CHRM3: variants seen among roughly 807,000 people sequenced by gnomAD.
CHRM3 encodes cholinergic receptor muscarinic 3.
CHRM3 carries 11 observed loss-of-function variants against 41.8 expected under a neutral mutation model. That is an observed-to-expected ratio of 0.26 (90% CI 0.17 to 0.44). CHRM3 has a LOEUF of 0.44. CHRM3 is among the 20% of genes least tolerant of loss of function. The pLI, the probability that CHRM3 is intolerant of heterozygous loss-of-function variation, is 1.00. For missense variants in CHRM3, 571 were observed against 745.4 expected (o/e 0.77, Z 2.72); for synonymous variants, 297 against 301.4 (o/e 0.99, Z 0.15).
At chr1:239,859,591 T>C (rs998214494) in intron 6 of CHRM3, among the ~76,000 whole-genome samples, 1 of 151,508 alleles carries the variant, frequency 6.6e-6, no homozygotes, top group Middle Eastern at 3.2e-3. Flanking sequence ...ATTTTTAGTA[T>C]TTTTAGTAGA....
chr1:239,452,669 G>T (rs2103330927), intron 1 of CHRM3, among the ~76,000 whole-genome samples: 1 of 152,230 alleles, frequency 6.6e-6, no homozygotes, highest in Admixed American at 6.5e-5. Context: ...AATTGTAACA[G>T]AACTCTACAT....
At chr1:239,671,808 A>T (rs949072673) in intron 4 of CHRM3, among the ~76,000 whole-genome samples, 3 of 152,118 alleles carry the variant, frequency 2.0e-5, no homozygotes, top group African/African-American at 7.2e-5. Context: ...TCAAGGGCCA[A>T]GCCTGGAAAA....
chr1:239,526,136 T>C (rs1669978723), intron 2 of CHRM3, among the ~76,000 whole-genome samples: 1 of 152,116 alleles, frequency 6.6e-6, no homozygotes, highest in South Asian at 2.1e-4. Flanking sequence ...CTTCCTCCCA[T>C]CTAGTGCCCT....
intron 1 of CHRM3, among the ~76,000 whole-genome samples, chr1:239,404,181 C>T (rs977005990): frequency 4.7e-5 from 7 of 149,558 alleles, no homozygotes; most frequent in Non-Finnish European, 8.9e-5. Context: ...CCCAGCTACT[C>T]GGGAGGCTGA....
chr1:239,641,084 T>A (rs940648056), intron 4 of CHRM3, among the ~76,000 whole-genome samples: 3 of 152,174 alleles, frequency 2.0e-5, no homozygotes, highest in African/African-American at 7.2e-5. Context: ...TTTGCGTGAG[T>A]TTCTTAATCC....
chr1:239,888,601 A>T (rs1437595611), intron 6 of CHRM3, among the ~76,000 whole-genome samples: 1 of 151,292 alleles, frequency 6.6e-6, no homozygotes, highest in Non-Finnish European at 1.5e-5. Flanking sequence ...CTGTCTCAAA[A>T]AAAAAAAAAA....
intron 1 of CHRM3, among the ~76,000 whole-genome samples, chr1:239,429,053 A>C (rs772853360): frequency 2.6e-5 from 4 of 152,160 alleles, no homozygotes; most frequent in African/African-American, 4.8e-5. Context: ...GTTTTGAGTT[A>C]TTTCCTTGGG....
In CHRM3 at chr1:239,914,257, T is replaced by C. The variant is rs1216393570; in HGVS notation, c.*5033T>C. On this transcript the variant is annotated 3_prime_UTR_variant, in exon 7 of 7. Coordinates refer to ENST00000676153, the MANE Select transcript of CHRM3 (RefSeq NM_001375978.1). ...TCTGTGAGTTCCTTGATGATAGTAA[T>C]TGGGTCTTATTCATCACTCTGTATC... 1 of 167,108 alleles carries C rather than the reference T, an allele frequency of 6.0e-6. No homozygotes were observed. Among genetic ancestry groups the C allele is most frequent in the Non-Finnish European group, 1.5e-5 (1 of 68,128 alleles). The allele number at this position is 167,108 out of a possible 1,614,324, so 10.4% of individuals were successfully genotyped here.
chr1:239,456,968 A>T (rs1283670844), intron 1 of CHRM3, among the ~76,000 whole-genome samples: 1 of 152,202 alleles, frequency 6.6e-6, no homozygotes, highest in African/African-American at 2.4e-5. Flanking sequence ...GTACTTGAAG[A>T]TGTACATGTC....
chr1:239,719,212 G>A (rs1179837392), intron 5 of CHRM3: 1 of 151,960 alleles, frequency 6.6e-6, no homozygotes, highest in Non-Finnish European at 1.5e-5. Flanking sequence ...AGATCTACTG[G>A]TTTGCTTGTT....
chr1:239,638,060 A>G (rs947201792), intron 4 of CHRM3, among the ~76,000 whole-genome samples: 3 of 150,994 alleles, frequency 2.0e-5, no homozygotes, highest in African/African-American at 7.3e-5. Flanking sequence ...ATGATTTCCA[A>G]TTTCATCCAT....
chr1:239,796,859 C>T (rs1446837965), intron 5 of CHRM3, among the ~76,000 whole-genome samples: 1 of 152,128 alleles, frequency 6.6e-6, no homozygotes, highest in Non-Finnish European at 1.5e-5. Context: ...ACTCTCCCAC[C>T]CTTTGGAGTC....
intron 5 of CHRM3, among the ~76,000 whole-genome samples, chr1:239,725,363 A>G (rs61834840): frequency 0.037 from 5,650 of 152,006 alleles, 160 homozygotes; most frequent in African/African-American, 0.067. Flanking sequence ...AAAAGCCTGC[A>G]TATACAAATT....
At chr1:239,452,356 G>T (rs1490688776) in intron 1 of CHRM3, among the ~76,000 whole-genome samples, 1 of 152,186 alleles carries the variant, frequency 6.6e-6, no homozygotes, top group Non-Finnish European at 1.5e-5. Flanking sequence ...TAAGTGGCTG[G>T]TGACAGCTTC....
intron 1 of CHRM3, among the ~76,000 whole-genome samples, chr1:239,474,443 A>G (rs570887676): frequency 1.4e-4 from 21 of 152,184 alleles, no homozygotes; most frequent in African/African-American, 4.8e-4. Context: ...ATATCTATAT[A>G]TTTTGATTAT....
chr1:239,413,567 C>T (rs139654960), intron 1 of CHRM3, among the ~76,000 whole-genome samples: 4 of 152,256 alleles, frequency 2.6e-5, no homozygotes, highest in East Asian at 1.9e-4. Context: ...GGATTACAGG[C>T]GTGAGCCACC....
intron 4 of CHRM3, among the ~76,000 whole-genome samples, chr1:239,658,460 C>A (rs1488404126): frequency 1.3e-5 from 2 of 152,116 alleles, no homozygotes; most frequent in Non-Finnish European, 2.9e-5. Context: ...CAGGGAGTTG[C>A]CATGCCTAAT....
At chr1:239,654,060 C>T (rs1672482828) in intron 4 of CHRM3, among the ~76,000 whole-genome samples, 1 of 152,150 alleles carries the variant, frequency 6.6e-6, no homozygotes, top group Admixed American at 6.5e-5. Flanking sequence ...TTCCCAGGCT[C>T]GAACAGTCCT....
intron 5 of CHRM3, among the ~76,000 whole-genome samples, chr1:239,789,878 C>T (rs920255232): frequency 6.6e-6 from 1 of 152,138 alleles, no homozygotes; most frequent in Non-Finnish European, 1.5e-5. Flanking sequence ...TTTGCAGATT[C>T]CTCATTAGTC....
Sources: gnomAD v4.1 joint callset for allele counts (sites outside exome capture counted in the v4.1 genomes callset) on GRCh38, gnomAD v4.1.1 for gene constraint, MANE v1.5 for transcripts, NCBI Gene and HGNC (gene_info 2026-07-23, HGNC 2026-07-21) for gene names.